MACROD2: variants seen among roughly 807,000 people sequenced by gnomAD.
The protein encoded by MACROD2 is ADP-ribose glycohydrolase MACROD2.
MACROD2 carries 36 observed loss-of-function variants against 70.4 expected under a neutral mutation model. That is an observed-to-expected ratio of 0.51 (90% CI 0.39 to 0.68). MACROD2 has a LOEUF of 0.68. Ranked by LOEUF, MACROD2 falls within the 30% of genes least tolerant of loss-of-function variation. The probability of loss-of-function intolerance (pLI) is 0.00; values close to 1 mark genes in which losing one functional copy is unlikely to be tolerated. For synonymous variants in MACROD2, 172 were observed against 178.8 expected, an observed-to-expected ratio of 0.96 and a Z score of 0.30; for missense variants, 496 against 538.4, an observed-to-expected ratio of 0.92 and a Z score of 0.78.
intron 6 of MACROD2, among the ~76,000 whole-genome samples, chr20:15,275,468 C>A (rs1305976418): frequency 6.6e-6 from 1 of 152,188 alleles, no homozygotes; most frequent in Admixed American, 6.5e-5. Context: ...TGGCATCTAA[C>A]AAATCTTGCT....
chr20:14,708,982 T>G (rs2123657628), intron 5 of MACROD2, among the ~76,000 whole-genome samples: 1 of 152,258 alleles, frequency 6.6e-6, no homozygotes. Context: ...AGATATAGAC[T>G]TATGTACATC....
chr20:15,309,395 T>TA (rs2077729558), intron 6 of MACROD2, among the ~76,000 whole-genome samples: 1 of 152,194 alleles, frequency 6.6e-6, no homozygotes, highest in South Asian at 2.1e-4. Flanking sequence ...AGGGCACTGA[T>TA]AGCTGATGAT....
chr20:15,179,769 T>C (rs1169338133), intron 5 of MACROD2, among the ~76,000 whole-genome samples: 1 of 152,240 alleles, frequency 6.6e-6, no homozygotes, highest in Non-Finnish European at 1.5e-5. Context: ...ATTGCCAAGG[T>C]CATTCTTACT....
chr20:15,157,358 C>G (rs200570933), intron 5 of MACROD2, among the ~76,000 whole-genome samples: 1 of 11,358 alleles, frequency 8.8e-5, no homozygotes, highest in Non-Finnish European at 1.9e-4. Context: ...CACCCCCCCC[C>G]ACCTCCCCCC....
At chr20:14,020,559 T>C (rs1369283136) in intron 2 of MACROD2, among the ~76,000 whole-genome samples, 1 of 152,214 alleles carries the variant, frequency 6.6e-6, no homozygotes, top group East Asian at 1.9e-4. Context: ...GAATGGGCCA[T>C]TGTTTTCTCT....
chr20:15,903,115 C>T (rs2065090566), intron 10 of MACROD2, among the ~76,000 whole-genome samples: 1 of 152,132 alleles, frequency 6.6e-6, no homozygotes, highest in African/African-American at 2.4e-5. Context: ...GTGTCTCACG[C>T]CTGTATTCCA....
At chr20:14,210,038 TTAAAAA>T (rs1320078342) in intron 3 of MACROD2, among the ~76,000 whole-genome samples, 2 of 152,180 alleles carry the variant, frequency 1.3e-5, no homozygotes, top group African/African-American at 4.8e-5. Context: ...ATTCCATGAC[TTAAAAA>T]TAAAGCTCAT....
intron 3 of MACROD2, among the ~76,000 whole-genome samples, chr20:14,226,893 C>T (rs963011405): frequency 6.6e-6 from 1 of 152,230 alleles, no homozygotes; most frequent in Non-Finnish European, 1.5e-5. Flanking sequence ...GGAGTGCGGG[C>T]GCACAGCGCG....
intron 5 of MACROD2, among the ~76,000 whole-genome samples, chr20:15,089,585 A>G (rs543256812): frequency 1.3e-5 from 2 of 152,184 alleles, no homozygotes; most frequent in East Asian, 3.9e-4. Flanking sequence ...TTTTATGCCC[A>G]TGGCCCAAAG....
intron 7 of MACROD2, among the ~76,000 whole-genome samples, chr20:15,475,024 AT>A (rs377129447): frequency 1.4e-5 from 2 of 146,142 alleles, no homozygotes; most frequent in African/African-American, 2.4e-5. Flanking sequence ...GAAAAAAAAA[AT>A]AAATAACAAT....
At chr20:14,462,616 A>G (rs1463504073) in intron 3 of MACROD2, among the ~76,000 whole-genome samples, 1 of 152,032 alleles carries the variant, frequency 6.6e-6, no homozygotes, top group Non-Finnish European at 1.5e-5. Flanking sequence ...GCCCATGCCT[A>G]TGTCCTGAAT....
chr20:14,713,486 A>C (rs1297562076), intron 5 of MACROD2, among the ~76,000 whole-genome samples: 1 of 152,160 alleles, frequency 6.6e-6, no homozygotes, highest in African/African-American at 2.4e-5. Context: ...TTACTCTGGC[A>C]GTTTTACCAC....
intron 5 of MACROD2, among the ~76,000 whole-genome samples, chr20:15,186,668 A>G (rs1306600326): frequency 6.6e-6 from 1 of 151,996 alleles, no homozygotes; most frequent in African/African-American, 2.4e-5. Flanking sequence ...GTAGAATAGG[A>G]AAAAAAAATT....
intron 6 of MACROD2, among the ~76,000 whole-genome samples, chr20:15,242,295 G>A (rs777927043): frequency 6.6e-5 from 10 of 151,950 alleles, no homozygotes; most frequent in African/African-American, 2.2e-4. Context: ...TGAAAAGCTA[G>A]GTTTATTCTT....
intron 5 of MACROD2, among the ~76,000 whole-genome samples, chr20:14,872,945 T>C (rs1429611866): frequency 1.3e-5 from 2 of 152,186 alleles, no homozygotes; most frequent in East Asian, 1.9e-4. Context: ...CAAACACTTA[T>C]GAAGCTATCA....
chr20:14,226,463 T>C (rs980369185), intron 3 of MACROD2, among the ~76,000 whole-genome samples: 1 of 152,166 alleles, frequency 6.6e-6, no homozygotes, highest in Admixed American at 6.5e-5. Flanking sequence ...CTTTCTGGGC[T>C]GGCCAAGACT....
At chr20:15,344,177 A>T in intron 6 of MACROD2, among the ~76,000 whole-genome samples, 1 of 152,144 alleles carries the variant, frequency 6.6e-6, no homozygotes, top group East Asian at 1.9e-4. Flanking sequence ...TATAATTCCC[A>T]GTCCTTTTAT....
intron 5 of MACROD2, among the ~76,000 whole-genome samples, chr20:14,911,341 G>A (rs1414971722): frequency 1.3e-5 from 2 of 151,180 alleles, no homozygotes; most frequent in Admixed American, 6.6e-5. Flanking sequence ...TTTTTCTTTT[G>A]TATAGCTATC....
At chr20:15,568,068 G>T (rs1395590655) in intron 8 of MACROD2, among the ~76,000 whole-genome samples, 6 of 152,164 alleles carry the variant, frequency 3.9e-5, no homozygotes, top group Non-Finnish European at 8.8e-5. Context: ...ACTTTAGTTG[G>T]TTATGAGCCA....
Sources: allele counts gnomAD v4.1 joint callset (sites outside exome capture counted in the v4.1 genomes callset), GRCh38; gene constraint gnomAD v4.1.1; transcripts MANE v1.5; gene names NCBI Gene and HGNC (gene_info 2026-07-23, HGNC 2026-07-21).